The following CDK13 variants were observed in gnomAD, a reference collection of about 807,000 sequenced individuals.
CDK13 encodes the protein cyclin dependent kinase 13.
CDK13 carries 40 observed loss-of-function variants against 137.6 expected under a neutral mutation model. The observed-to-expected ratio is 0.29, with a 90% CI of 0.23 to 0.38. The LOEUF (loss-of-function observed/expected upper bound fraction) is 0.38. Ranked by LOEUF, CDK13 falls within the 10% of genes least tolerant of loss-of-function variation. The probability of loss-of-function intolerance (pLI) is 1.00; values close to 1 mark genes in which losing one functional copy is unlikely to be tolerated. For missense variants in CDK13, 1,704 were observed against 1,951.8 expected (o/e 0.87, Z 2.39); for synonymous variants, 869 against 760.1 (o/e 1.14, Z -2.36).
chr7:39,996,889 A>G (rs1784570692), intron 2 of CDK13, among the ~76,000 whole-genome samples: 1 of 136,848 alleles, frequency 7.3e-6, no homozygotes, highest in Non-Finnish European at 1.5e-5. Context: ...GCTTGAACCC[A>G]GGAGGTGGAG....
At chr7:39,986,639 T>G (rs1354022462) in intron 1 of CDK13, 1 of 152,234 alleles carries the variant, frequency 6.6e-6, no homozygotes, top group Non-Finnish European at 1.5e-5. Context: ...CTTTGAAGAC[T>G]TAAATGATAT....
intron 1 of CDK13, among the ~76,000 whole-genome samples, chr7:39,976,341 A>T (rs1366284591): frequency 1.5e-5 from 2 of 137,842 alleles, no homozygotes; most frequent in South Asian, 2.4e-4. Flanking sequence ...ACACACACAC[A>T]CACACACACA....
intron 4 of CDK13, among the ~76,000 whole-genome samples, chr7:40,000,634 A>G (rs985815064): frequency 6.6e-6 from 1 of 152,270 alleles, no homozygotes; most frequent in Non-Finnish European, 1.5e-5. Context: ...TACTGAGGGC[A>G]ATTACTGCAT....
intron 1 of CDK13, among the ~76,000 whole-genome samples, chr7:39,977,101 A>G (rs1784127945): frequency 6.6e-6 from 1 of 152,214 alleles, no homozygotes. Context: ...TTCTTTCTTC[A>G]TAAGGCTTTA....
intron 4 of CDK13, 147 bp from the exon 5 acceptor site, chr7:40,001,714 T>G (rs1003258716): frequency 7.6e-5 from 49 of 647,322 alleles, no homozygotes; most frequent in Non-Finnish European, 1.4e-5. Context: ...CTATAAATAT[T>G]ATTTGGTATA....
At chr7:39,964,126 G>C (rs1315215826) in intron 1 of CDK13, among the ~76,000 whole-genome samples, 1 of 152,088 alleles carries the variant, frequency 6.6e-6, no homozygotes. Context: ...GGATGATGCT[G>C]GCCTCATAAA....
chr7:39,976,323 T>TCTCACACA, intron 1 of CDK13, among the ~76,000 whole-genome samples: 49 of 39,584 alleles, frequency 1.2e-3, no homozygotes, highest in Middle Eastern at 0.017. Flanking sequence ...TCTCTCTCTC[T>TCTCACACA]CACACACACA....
chr7:40,026,380 A>G, intron 5 of CDK13, among the ~76,000 whole-genome samples: 1 of 152,116 alleles, frequency 6.6e-6, no homozygotes. Context: ...ATGGTGGCAC[A>G]TGCCTGTAGT....
In CDK13 at chr7:40,076,034, A is replaced by G. The variant is rs566076620; in HGVS notation, c.2781-1971A>G. 3.6e-3 allele frequency among the ~76,000 whole-genome samples: 555 copies of G among 152,196 alleles called. 5 individuals are homozygous for G. The highest frequency in any genetic ancestry group is 3.6e-3 in the Non-Finnish European group (245 of 68,028). ...ATCTTATTCCATTTCCCACCTGTCT[A>G]TGGTTTACTTATCCTTGGAATTATA... On this transcript the variant is annotated intron_variant, in intron 9 of 13. Coordinates refer to ENST00000181839, the MANE Select transcript of CDK13 (RefSeq NM_003718.5).
At chr7:40,038,820 C>G (rs1785541225) in intron 5 of CDK13, among the ~76,000 whole-genome samples, 1 of 152,096 alleles carries the variant, frequency 6.6e-6, no homozygotes, top group South Asian at 2.1e-4. Context: ...CTCAGCCTCC[C>G]AAGTAGTTGG....
intron 1 of CDK13, among the ~76,000 whole-genome samples, chr7:39,956,995 G>T (rs558285944): frequency 6.6e-6 from 1 of 151,988 alleles, no homozygotes; most frequent in Non-Finnish European, 1.5e-5. Flanking sequence ...TATACTTGCT[G>T]TTCTGTTAGC....
chr7:39,967,694 C>T (rs1783902205), intron 1 of CDK13, among the ~76,000 whole-genome samples: 2 of 152,126 alleles, frequency 1.3e-5, no homozygotes, highest in South Asian at 2.1e-4. Flanking sequence ...TAGTAATTTA[C>T]ATTCATACCA....
chr7:39,974,980 C>T (rs906436018), intron 1 of CDK13, among the ~76,000 whole-genome samples: 8 of 152,128 alleles, frequency 5.3e-5, no homozygotes, highest in Admixed American at 6.5e-5. Flanking sequence ...AGTCTTTATT[C>T]GCAAAGTAGT....
At chr7:40,028,454 A>G (rs1785294005) in intron 5 of CDK13, among the ~76,000 whole-genome samples, 4 of 151,968 alleles carry the variant, frequency 2.6e-5, no homozygotes, top group Admixed American at 2.6e-4. Context: ...TCTTGACCTC[A>G]TGATCTGCCC....
rs1025757945 is a variant in CDK13 at position 40,036,566 on chromosome 7, G to A, written c.2354-9270G>A. On this transcript the variant is annotated intron_variant, in intron 5 of 13. Transcript: ENST00000181839. Reference sequence around the variant, plus strand: ...AGTCTGGGTGACAGCGCGAGACTCCGTCTCAAAAAAAATTAAATTAAATTA... The same window carrying A: ...AGTCTGGGTGACAGCGCGAGACTCCATCTCAAAAAAAATTAAATTAAATTA... Among the ~76,000 whole-genome samples, 8 of 151,844 alleles carry A rather than the reference G, an allele frequency of 5.3e-5. No homozygotes were observed. In the South Asian group the frequency reaches 6.2e-4, roughly 12 times the overall value.
chr7:40,059,981 C>T (rs559183298), intron 7 of CDK13, among the ~76,000 whole-genome samples: 14 of 152,172 alleles, frequency 9.2e-5, no homozygotes, highest in East Asian at 3.9e-4. Flanking sequence ...AATTAGTACA[C>T]GTTAAATATT....
At chr7:39,976,317 T>TCACACACACACACA (rs1240166684) in intron 1 of CDK13, among the ~76,000 whole-genome samples, 15 of 63,816 alleles carry the variant, frequency 2.4e-4, no homozygotes, top group African/African-American at 4.8e-4. Context: ...TCTCTCTCTC[T>TCACACACACACACA]CTCTCTCACA....
chr7:40,015,880 A>G (rs1467561988), intron 5 of CDK13, among the ~76,000 whole-genome samples: 1 of 152,222 alleles, frequency 6.6e-6, no homozygotes, highest in East Asian at 1.9e-4. Context: ...GTTGCGATCA[A>G]ACCCAAACTG....
chr7:40,033,781 TC>T (rs1462551259), intron 5 of CDK13, among the ~76,000 whole-genome samples: 13 of 152,212 alleles, frequency 8.5e-5, no homozygotes, highest in Non-Finnish European at 7.3e-5. Flanking sequence ...AAAGATTTGT[TC>T]TCAGTCTTTT....
Sources: allele counts gnomAD v4.1 joint callset (sites outside exome capture counted in the v4.1 genomes callset), GRCh38; gene constraint gnomAD v4.1.1; transcripts MANE v1.5; gene names NCBI Gene and HGNC (gene_info 2026-07-23, HGNC 2026-07-21).